The following FGL1 variants were observed in gnomAD, a reference collection of about 807,000 sequenced individuals.
The protein encoded by FGL1 is fibrinogen like 1, also known as fibrinogen-like protein 1.
Under a neutral mutation model 43.7 loss-of-function variants are expected in FGL1, and 59 were observed. The ratio of observed to expected loss-of-function variants is 1.35; its 90% CI spans 1.10 to 1.68. The LOEUF is 1.68. Ranked by LOEUF, FGL1 falls within the 40% of genes most tolerant of loss-of-function variation. The pLI, the probability that FGL1 is intolerant of heterozygous loss-of-function variation, is 0.00. For missense variants in FGL1, 596 were observed against 373.0 expected, an observed-to-expected ratio of 1.60 and a Z score of -4.92; for synonymous variants, 192 against 126.5, an observed-to-expected ratio of 1.52 and a Z score of -3.48.
chr8:17,875,382 C>G (rs886534105), intron 3 of FGL1, among the ~76,000 whole-genome samples: 7 of 152,128 alleles, frequency 4.6e-5, no homozygotes, highest in Admixed American at 6.6e-5. Context: ...AAACTGCAAG[C>G]TTCTGCTATT....
intron 5 of FGL1, 55 bp downstream of exon 5, chr8:17,873,964 T>A (rs948157915): frequency 1.6e-5 from 21 of 1,330,712 alleles, no homozygotes; most frequent in Middle Eastern, 4.8e-4. Context: ...TAAAAAAAAA[T>A]TTTAGTGTTG....
intron 5 of FGL1, among the ~76,000 whole-genome samples, chr8:17,871,469 G>A (rs2131701094): frequency 6.8e-6 from 1 of 146,338 alleles, no homozygotes; most frequent in Middle Eastern, 3.5e-3. Context: ...CTCCAGCTTG[G>A]GCAACAGGCA....
At chr8:17,885,444 T>A in intron 2 of FGL1, 48 bp downstream of exon 2, 1 of 1,461,410 alleles carries the variant, frequency 6.8e-7, no homozygotes, top group Non-Finnish European at 9.5e-7. Context: ...AAAATTCAGA[T>A]AAAAGCAGGC....
intron 3 of FGL1, among the ~76,000 whole-genome samples, chr8:17,879,259 T>A (rs537915746): frequency 3.0e-4 from 45 of 152,102 alleles, no homozygotes; most frequent in African/African-American, 1.1e-3. Context: ...GTACAGTTAA[T>A]CCTGCTCTGA....
chr8:17,871,947 G>A (rs888947297), intron 5 of FGL1, among the ~76,000 whole-genome samples: 3 of 152,144 alleles, frequency 2.0e-5, no homozygotes, highest in African/African-American at 4.8e-5. Flanking sequence ...AAAGAGCCAA[G>A]GGTTACTGCT....
rs1423310832 is a variant in FGL1 at position 17,882,185 on chromosome 8, A to T, written c.64-6T>A. On this transcript the variant is annotated splice_region_variant and splice_polypyrimidine_tract_variant and intron_variant, in intron 2 of 7. Coordinates refer to ENST00000427924, the MANE Select transcript of FGL1 (RefSeq NM_004467.4). ...TGGGCACAGTCCTCGAGCGCCTGCA[A>T]AACAGGTGAGATGAGATGAGTATGC... 6.2e-7 allele frequency: 1 copy of T among 1,611,416 alleles called. No homozygotes were observed. Among genetic ancestry groups the T allele is most frequent in the East Asian group, 2.2e-5 (1 of 44,858 alleles).
chr8:17,890,179 A>G (rs1346120812), intron 1 of FGL1, among the ~76,000 whole-genome samples: 2 of 152,254 alleles, frequency 1.3e-5, no homozygotes, highest in East Asian at 3.8e-4. Flanking sequence ...CAAAATTTAT[A>G]CAACATCCAA....
In FGL1 at chr8:17,875,559, T is replaced by TTCTCTCTCTC. The variant is rs1412005463; in HGVS notation, c.245-1039_245-1038insGAGAGAGAGA. On this transcript the variant is annotated intron_variant, in intron 3 of 7. Transcript: ENST00000427924. ...TCTCTTTCTTTCTTTCTTTCTTTCT[T>TTCTCTCTCTC]TCTTTCTTTCTTTCTTTCTTTCTTT... Among the ~76,000 whole-genome samples the TTCTCTCTCTC allele has an allele frequency of 1.1e-4, 2 of 18,804 alleles. 1 individual carries two copies. The highest frequency in any genetic ancestry group is 2.6e-4 in the African/African-American group (2 of 7,658). 12.3% of individuals were successfully genotyped at this position (18,804 alleles called of 152,430 possible).
chr8:17,875,676 C>G (rs139436217), intron 3 of FGL1, among the ~76,000 whole-genome samples: 87 of 151,774 alleles, frequency 5.7e-4, no homozygotes, highest in African/African-American at 1.9e-3. Flanking sequence ...GCTATTTCGG[C>G]TCACTACAAC....
At chr8:17,887,821 C>A (rs561958296) in intron 1 of FGL1, among the ~76,000 whole-genome samples, 1 of 127,320 alleles carries the variant, frequency 7.9e-6, no homozygotes, top group Non-Finnish European at 1.7e-5. Context: ...GGTGACAGTG[C>A]GAGACTCCAT....
intron 1 of FGL1, among the ~76,000 whole-genome samples, chr8:17,889,027 G>C (rs369228182): frequency 5.9e-5 from 9 of 152,134 alleles, no homozygotes; most frequent in African/African-American, 2.2e-4. Flanking sequence ...GGGACAGTAA[G>C]CGTAGTTCCA....
chr8:17,870,417 A>C (rs1221290064), intron 5 of FGL1, among the ~76,000 whole-genome samples: 1 of 152,176 alleles, frequency 6.6e-6, no homozygotes, highest in Non-Finnish European at 1.5e-5. Context: ...CATGTGTTCT[A>C]TCCTCCTACT....
At chr8:17,889,963 T>C (rs1044480146) in intron 1 of FGL1, among the ~76,000 whole-genome samples, 2 of 152,228 alleles carry the variant, frequency 1.3e-5, no homozygotes, top group African/African-American at 4.8e-5. Flanking sequence ...AGAGAACAAA[T>C]TGGCAAGAAC....
At chr8:17,875,131 C>T (rs2053425821) in intron 3 of FGL1, among the ~76,000 whole-genome samples, 1 of 152,152 alleles carries the variant, frequency 6.6e-6, no homozygotes, top group Non-Finnish European at 1.5e-5. Context: ...CATGATAAAT[C>T]ATTCTGGACA....
chr8:17,866,218 A>T (rs976655662), intron 7 of FGL1, among the ~76,000 whole-genome samples: 2 of 152,152 alleles, frequency 1.3e-5, no homozygotes, highest in Admixed American at 1.3e-4. Context: ...AGTTTTTAGA[A>T]CAGCCTGGAT....
chr8:17,865,462 T>G (rs1385085961), intron 7 of FGL1, among the ~76,000 whole-genome samples: 2 of 152,206 alleles, frequency 1.3e-5, no homozygotes, highest in Non-Finnish European at 2.9e-5. Context: ...ATCAGTTATT[T>G]CAATCTCAAG....
chr8:17,871,093 A>G (rs891298499), intron 5 of FGL1, among the ~76,000 whole-genome samples: 1 of 152,052 alleles, frequency 6.6e-6, no homozygotes, highest in African/African-American at 2.4e-5. Context: ...TAGCACCACA[A>G]TTTCCTTGCC....
intron 3 of FGL1, 49 bp from the exon 4 acceptor site, chr8:17,874,570 C>T: frequency 2.0e-6 from 3 of 1,513,606 alleles, no homozygotes; most frequent in Admixed American, 1.8e-5. Context: ...TCTTTTTCTC[C>T]CCCCGCCTTA....
chr8:17,887,130 G>T (rs376471276), intron 1 of FGL1, among the ~76,000 whole-genome samples: 16 of 151,958 alleles, frequency 1.1e-4, no homozygotes, highest in Admixed American at 2.0e-4. Context: ...GCTTTCCCAG[G>T]CTTCTTCTCT....
Sources: allele counts gnomAD v4.1 joint callset (sites outside exome capture counted in the v4.1 genomes callset), GRCh38; gene constraint gnomAD v4.1.1; transcripts MANE v1.5; gene names NCBI Gene and HGNC (gene_info 2026-07-23, HGNC 2026-07-21).